The following TENM3 variants were observed in gnomAD, a reference collection of about 807,000 sequenced individuals.
The protein encoded by TENM3 is teneurin-3.
Under a neutral mutation model 255.1 loss-of-function variants are expected in TENM3, and 63 were observed. The ratio of observed to expected loss-of-function variants is 0.25; its 90% CI spans 0.20 to 0.30. The LOEUF is 0.30. TENM3 is among the 10% of genes least tolerant of loss of function. The probability of loss-of-function intolerance (pLI) is 1.00; values close to 1 mark genes in which losing one functional copy is unlikely to be tolerated. For synonymous variants in TENM3, 1,306 were observed against 1,322.3 expected, an observed-to-expected ratio of 0.99 and a Z score of 0.27; for missense variants, 2,929 against 3,461.1, an observed-to-expected ratio of 0.85 and a Z score of 3.86.
chr4:181,775,821 G>A, the TENM3 span, among the ~76,000 whole-genome samples: 8,580 of 152,032 alleles, frequency 0.056, 447 homozygotes, highest in African/African-American at 0.14. Context: ...ATATTTATGG[G>A]GGTACATGTA....
chr4:182,434,567 G>A lies in TENM3; in HGVS notation c.511+87638G>A, dbSNP rs181249118. On this transcript the variant is annotated intron_variant, in intron 3 of 27. Coordinates refer to ENST00000511685, the MANE Select transcript of TENM3 (RefSeq NM_001080477.4). ...AGTCTCAGCTACTCGGGAGTCTGAG[G>A]CAGGAGAATCACTTGAACCCAGGAG... 1.7e-3 allele frequency among the ~76,000 whole-genome samples: 264 copies of A among 151,842 alleles called. 1 individual carries two copies. Among genetic ancestry groups the A allele is most frequent in the Admixed American group, 5.6e-3 (85 of 15,230 alleles).
In TENM3 at chr4:182,799,699, C is replaced by G. The variant is rs1217224548; in HGVS notation, c.7448C>G (p.Ala2483Gly). 4.5e-6 allele frequency: 7 copies of G among 1,549,892 alleles called. No homozygotes were observed. Among genetic ancestry groups the G allele is most frequent in the Non-Finnish European group, 6.1e-6 (7 of 1,146,866 alleles). The change falls in exon 28 of 28, where the codon GCG (alanine) becomes GGG (glycine). Residue 2483 changes from alanine (A) to glycine (G), a missense_variant. Physicochemically the swap from Ala to Gly is moderately conservative, Grantham distance 60 (BLOSUM62 0). This residue lies in a region of TENM3 where 476 missense variants were observed against 480.1 expected (regional missense o/e 0.99). Coordinates refer to ENST00000511685, the MANE Select transcript of TENM3 (RefSeq NM_001080477.4). This position sits in a 1 kb window ranked among gnomAD's most constrained non-coding sequence, Gnocchi z 4.2. ...GTGAGCCGGCGCCGGGCCGGCGGCG[C>G]GCAGTCCTGGCTGTGGTTCGCCACG... is the stretch of plus-strand genomic sequence containing the variant. ...VQVSRRRAGG[A>G]QSWLWFATVK...
At chr4:181,990,344 C>T in the TENM3 span, among the ~76,000 whole-genome samples, 1 of 152,126 alleles carries the variant, frequency 6.6e-6, no homozygotes, top group Non-Finnish European at 1.5e-5. Flanking sequence ...AAACTACGTG[C>T]ATACGATTTG....
chr4:181,732,734 T>C, the TENM3 span, among the ~76,000 whole-genome samples: 3 of 152,040 alleles, frequency 2.0e-5, no homozygotes, highest in Admixed American at 1.3e-4. Context: ...TCTTCGATTA[T>C]TTTTCAGAGT....
chr4:182,156,660 A>G (rs1197095765), intron 1 of TENM3, among the ~76,000 whole-genome samples: 3 of 151,472 alleles, frequency 2.0e-5, no homozygotes, highest in African/African-American at 7.4e-5. Flanking sequence ...TTAAACCCTT[A>G]CATTTAATTT....
chr4:182,386,669 G>A (rs4862059), intron 3 of TENM3, among the ~76,000 whole-genome samples: 6,871 of 152,302 alleles, frequency 0.045, 247 homozygotes, highest in East Asian at 0.2. Flanking sequence ...CCGGCCGGCC[G>A]GGGCAGTGAG....
intron 3 of TENM3, among the ~76,000 whole-genome samples, chr4:182,434,535 C>A (rs1393398746): frequency 6.6e-6 from 1 of 151,584 alleles, no homozygotes; most frequent in African/African-American, 2.4e-5. Context: ...TGATGGTGGG[C>A]ACCTGTAGTC....
intron 24 of TENM3, among the ~76,000 whole-genome samples, chr4:182,788,131 G>T (rs115087959): frequency 0.017 from 2,568 of 152,230 alleles, 72 homozygotes; most frequent in African/African-American, 0.058. Context: ...AAATTAAGAT[G>T]TTCCCATTTA....
intron 1 of TENM3, among the ~76,000 whole-genome samples, chr4:182,322,829 C>T (rs142752175): frequency 9.9e-5 from 15 of 152,156 alleles, no homozygotes; most frequent in East Asian, 5.8e-4. Flanking sequence ...ACAGCGGTCA[C>T]GGCCAAAGGA....
At chr4:182,517,045 T>C (rs1468236559) in intron 3 of TENM3, among the ~76,000 whole-genome samples, 1 of 152,070 alleles carries the variant, frequency 6.6e-6, no homozygotes. Context: ...GTAATTCCTA[T>C]TGGATTATAA....
At chr4:182,508,677 CTT>C (rs1737075064) in intron 3 of TENM3, among the ~76,000 whole-genome samples, 1 of 152,158 alleles carries the variant, frequency 6.6e-6, no homozygotes, top group South Asian at 2.1e-4. Context: ...AACTGTCAGA[CTT>C]TGTGCAATTG....
the TENM3 span, among the ~76,000 whole-genome samples, chr4:182,012,437 A>C: frequency 2.0e-5 from 3 of 152,212 alleles, no homozygotes; most frequent in Admixed American, 2.0e-4. Flanking sequence ...CATTACTAGA[A>C]GACCACGCAT....
chr4:182,027,596 A>G, the TENM3 span, among the ~76,000 whole-genome samples: 1 of 148,798 alleles, frequency 6.7e-6, no homozygotes, highest in Admixed American at 6.7e-5. Context: ...TCAGTATAAT[A>G]CTCGCTGTGG....
the TENM3 span, among the ~76,000 whole-genome samples, chr4:181,570,871 C>G: frequency 6.6e-6 from 1 of 152,190 alleles, no homozygotes; most frequent in African/African-American, 2.4e-5. Context: ...TGAAAGCGCT[C>G]AAGCCTCCGT....
chr4:181,552,667 TGG>T, the TENM3 span, among the ~76,000 whole-genome samples: 3 of 152,104 alleles, frequency 2.0e-5, no homozygotes, highest in African/African-American at 7.2e-5. Flanking sequence ...GGGGGGAAAA[TGG>T]GCTTTATTAT....
chr4:181,678,463 T>C, the TENM3 span, among the ~76,000 whole-genome samples: 1 of 152,046 alleles, frequency 6.6e-6, no homozygotes, highest in African/African-American at 2.4e-5. Context: ...GGCAATTTTG[T>C]ATCTGTCCTT....
the TENM3 span, among the ~76,000 whole-genome samples, chr4:181,679,420 A>G: frequency 6.6e-6 from 1 of 152,142 alleles, no homozygotes; most frequent in Non-Finnish European, 1.5e-5. Context: ...GTACATTATA[A>G]ACCTTCTTCT....
the TENM3 span, among the ~76,000 whole-genome samples, chr4:181,899,893 G>A: frequency 0.37 from 55,902 of 151,810 alleles, 10,459 homozygotes; most frequent in East Asian, 0.5. Flanking sequence ...AACTACCCTG[G>A]ATATTTTATT....
At chr4:181,486,253 G>T in the TENM3 span, among the ~76,000 whole-genome samples, 57,326 of 151,948 alleles carry the variant, frequency 0.38, 11,651 homozygotes, top group African/African-American at 0.52. Flanking sequence ...CTCTGATGAA[G>T]GGCACACACA....
Sources: gnomAD v4.1 joint callset for allele counts (sites outside exome capture counted in the v4.1 genomes callset) on GRCh38, gnomAD v4.1.1 for gene constraint, gnomAD v4.1.1 regional missense constraint, Gnocchi (gnomAD v3.1) non-coding constraint, MANE v1.5 for transcripts, NCBI Gene and HGNC (gene_info 2026-07-23, HGNC 2026-07-21) for gene names.